The following NDRG1 variants were observed in gnomAD, a reference collection of about 807,000 sequenced individuals.
NDRG1 encodes protein NDRG1.
A neutral mutation model predicts 56.9 loss-of-function variants in NDRG1; 32 were observed. That is an observed-to-expected ratio of 0.56 (90% CI 0.42 to 0.76). NDRG1 has a LOEUF of 0.76. Among genes scored for constraint, NDRG1 ranks in the 30% least tolerant of loss-of-function variants. The pLI is 0.00. For synonymous variants in NDRG1, 211 were observed against 204.1 expected (o/e 1.03, Z -0.29); for missense variants, 507 against 545.7 (o/e 0.93, Z 0.71).
chr8:133,294,675 G>A (rs1001703564), intron 1 of NDRG1, among the ~76,000 whole-genome samples: 11 of 152,032 alleles, frequency 7.2e-5, no homozygotes, highest in African/African-American at 1.9e-4. Context: ...CTGTCATGGG[G>A]GGGGGGCAGC....
chr8:133,258,809 A>G (rs934654540), intron 6 of NDRG1, among the ~76,000 whole-genome samples: 1 of 152,248 alleles, frequency 6.6e-6, no homozygotes. Context: ...ACAGAGAGGA[A>G]CACTGGAAAA....
intron 3 of NDRG1, among the ~76,000 whole-genome samples, chr8:133,276,031 G>A (rs532818207): frequency 1.3e-5 from 2 of 152,308 alleles, no homozygotes; most frequent in South Asian, 4.1e-4. Flanking sequence ...AGAAATAAAG[G>A]AAGGCACAAT....
chr8:133,284,747 C>T lies in NDRG1; in HGVS notation c.-18-418G>A, dbSNP rs866612045. 2.8e-5 allele frequency: 13 copies of T among 459,472 alleles called. 1 individual carries two copies. In the Middle Eastern group the frequency reaches 2.6e-3, roughly 91 times the overall value. 28.5% of individuals were successfully genotyped at this position (459,472 alleles called of 1,614,324 possible). A position where few individuals can be genotyped will look rare whatever the true frequency, so the allele number is the denominator to read the frequency against. On this transcript the variant is annotated intron_variant, in intron 1 of 15. Transcript: ENST00000323851. ...AATGAAAGGGGAACACAAGCTCACA[C>T]GATGCTTACCACGTATAGGCATAGT... is the stretch of plus-strand genomic sequence containing the variant.
intron 3 of NDRG1, among the ~76,000 whole-genome samples, chr8:133,267,049 G>A (rs185565758): frequency 8.5e-5 from 13 of 152,238 alleles, no homozygotes; most frequent in Admixed American, 3.9e-4. Context: ...CCTCCCCAGC[G>A]GAGGAGTGCA....
At chr8:133,262,978 C>T (rs866988813) in intron 4 of NDRG1, among the ~76,000 whole-genome samples, 7 of 152,184 alleles carry the variant, frequency 4.6e-5, no homozygotes, top group Admixed American at 3.3e-4. Flanking sequence ...CACTAAACAC[C>T]CACTAAACTG....
chr8:133,257,282 T>TATAC (rs1554750959), intron 7 of NDRG1, among the ~76,000 whole-genome samples: 1 of 146,720 alleles, frequency 6.8e-6, no homozygotes, highest in African/African-American at 2.5e-5. Flanking sequence ...AACACATGCA[T>TATAC]ACACACACAC....
At chr8:133,292,940 G>T (rs989113550) in intron 1 of NDRG1, among the ~76,000 whole-genome samples, 1 of 152,214 alleles carries the variant, frequency 6.6e-6, no homozygotes, top group Non-Finnish European at 1.5e-5. Context: ...CAGGCAGGTA[G>T]GGCATAGGCA....
intron 3 of NDRG1, among the ~76,000 whole-genome samples, chr8:133,278,890 T>C (rs112497488): frequency 9.5e-4 from 99 of 104,372 alleles, no homozygotes; most frequent in East Asian, 2.5e-3. Context: ...TCTTCTTCTT[T>C]TTTTTTTTTT....
At chr8:133,294,008 C>T (rs938273994) in intron 1 of NDRG1, among the ~76,000 whole-genome samples, 42 of 152,326 alleles carry the variant, frequency 2.8e-4, no homozygotes, top group African/African-American at 8.7e-4. Flanking sequence ...AACACCTACA[C>T]GCTGTTTTCC....
intron 10 of NDRG1, among the ~76,000 whole-genome samples, chr8:133,249,763 G>A (rs1855907433): frequency 6.6e-6 from 1 of 152,240 alleles, no homozygotes; most frequent in Non-Finnish European, 1.5e-5. Context: ...CAGATACTAA[G>A]CTCTGTTACA....
At chr8:133,285,088 A>G (rs1858034709) in intron 1 of NDRG1, among the ~76,000 whole-genome samples, 1 of 152,176 alleles carries the variant, frequency 6.6e-6, no homozygotes, top group Non-Finnish European at 1.5e-5. Context: ...CTGCAAAACC[A>G]GACTGAAGCA....
intron 12 of NDRG1, 78 bp from the exon 13 acceptor site, chr8:133,246,741 G>T: frequency 7.7e-7 from 1 of 1,299,464 alleles, no homozygotes; most frequent in Non-Finnish European, 1.1e-6. Flanking sequence ...CCGCCACTCT[G>T]CCACCGTCAC....
intron 1 of NDRG1, among the ~76,000 whole-genome samples, chr8:133,293,881 A>AGG (rs1027728978): frequency 2.0e-5 from 3 of 152,236 alleles, no homozygotes; most frequent in African/African-American, 7.2e-5. Flanking sequence ...AGCAATACCT[A>AGG]GGTCAAGCAT....
At chr8:133,248,516 G>A (rs920190511) in intron 11 of NDRG1, among the ~76,000 whole-genome samples, 199 bp downstream of exon 11, 19 of 152,164 alleles carry the variant, frequency 1.2e-4, no homozygotes, top group African/African-American at 4.6e-4. Context: ...TAGGTCATGG[G>A]GACACCCTAG....
chr8:133,263,418 GTGTCT>G (rs1353349097), intron 4 of NDRG1, among the ~76,000 whole-genome samples: 12 of 152,212 alleles, frequency 7.9e-5, no homozygotes, highest in African/African-American at 2.9e-4. Flanking sequence ...AGTGAAACCT[GTGTCT>G]TCTGATTCCT....
chr8:133,284,161 A>G lies in NDRG1; in HGVS notation c.63+88T>C. 7 of 1,261,916 alleles carry G rather than the reference A, an allele frequency of 5.5e-6. No homozygotes were observed. In the East Asian group the frequency reaches 9.3e-5, roughly 17 times the overall value. The allele number at this position is 1,261,916 out of a possible 1,614,324, so 78.2% of individuals were successfully genotyped here. ...GTATTTGTGCAGTGTTTGCATGCCC[A>G]TAAGTACAAGTGTGAGCTCCGGTGT... On this transcript the variant is annotated intron_variant, in intron 2 of 15. Transcript: ENST00000323851.
chr8:133,272,044 C>T (rs79017969), intron 3 of NDRG1, among the ~76,000 whole-genome samples: 1,800 of 152,250 alleles, frequency 0.012, 45 homozygotes, highest in African/African-American at 0.041. Flanking sequence ...AAAGCCAAGA[C>T]TCCCCTGCAA....
chr8:133,251,520 C>T (rs1314244118), intron 9 of NDRG1, among the ~76,000 whole-genome samples: 1 of 152,238 alleles, frequency 6.6e-6, no homozygotes, highest in Non-Finnish European at 1.5e-5. Context: ...CTCCAAATAA[C>T]TTGGGGTATA....
At chr8:133,250,762 C>G (rs1855975625) in intron 9 of NDRG1, among the ~76,000 whole-genome samples, 1 of 152,084 alleles carries the variant, frequency 6.6e-6, no homozygotes, top group Non-Finnish European at 1.5e-5. Context: ...AAAAGACCCC[C>G]ATCCTGGAAA....
Sources: gnomAD v4.1 joint callset for allele counts (sites outside exome capture counted in the v4.1 genomes callset) on GRCh38, gnomAD v4.1.1 for gene constraint, MANE v1.5 for transcripts, NCBI Gene and HGNC (gene_info 2026-07-23, HGNC 2026-07-21) for gene names.